MYOF: variants seen among roughly 807,000 people sequenced by gnomAD.
MYOF encodes the protein fer-1-like 3, myoferlin.
Under a neutral mutation model 284.2 loss-of-function variants are expected in MYOF, and 244 were observed. The observed-to-expected ratio is 0.86, with a 90% CI of 0.77 to 0.95. The LOEUF is 0.95. MYOF is among the 40% of genes least tolerant of loss of function. MYOF has a pLI of 0.00. For synonymous variants in MYOF, 904 were observed against 919.7 expected (o/e 0.98, Z 0.31); for missense variants, 2,496 against 2,560.6 (o/e 0.97, Z 0.54).
intron 22 of MYOF, among the ~76,000 whole-genome samples, chr10:93,376,568 G>A (rs543842376): frequency 1.1e-4 from 17 of 152,224 alleles, no homozygotes; most frequent in African/African-American, 3.9e-4. Flanking sequence ...TTACCACTAG[G>A]AGGCACAAGA....
chr10:93,440,269 G>A (rs777302853), intron 3 of MYOF, among the ~76,000 whole-genome samples: 15 of 152,146 alleles, frequency 9.9e-5, no homozygotes, highest in East Asian at 5.8e-4. Flanking sequence ...AAAATTAGTC[G>A]GGCGTGGTGG....
intron 37 of MYOF, among the ~76,000 whole-genome samples, chr10:93,345,567 T>C (rs1280080268): frequency 6.6e-6 from 1 of 152,124 alleles, no homozygotes; most frequent in Non-Finnish European, 1.5e-5. Context: ...ACTTCCAAGA[T>C]AAGCTCCCCT....
chr10:93,343,827 A>C (rs752786877), intron 38 of MYOF, 29 bp downstream of exon 38: 1 of 1,609,318 alleles, frequency 6.2e-7, no homozygotes, highest in South Asian at 1.1e-5. Context: ...TAAAACTGAC[A>C]GCATCCACTG....
intron 5 of MYOF, among the ~76,000 whole-genome samples, chr10:93,419,898 G>A (rs1157929977): frequency 1.3e-5 from 2 of 152,132 alleles, no homozygotes; most frequent in Admixed American, 6.5e-5. Flanking sequence ...TTGGGAGGCC[G>A]AGGCTGGCGG....
At chr10:93,417,304 G>T (rs565336426) in intron 5 of MYOF, among the ~76,000 whole-genome samples, 1 of 152,190 alleles carries the variant, frequency 6.6e-6, no homozygotes, top group South Asian at 2.1e-4. Flanking sequence ...ATTTGGAAAT[G>T]GTTCTCCATC....
rs1843592198 is a variant in MYOF, at chr10:93,336,063, G to T, written c.4438-17C>A. 6.2e-7 allele frequency: 1 copy of T among 1,611,406 alleles called. No homozygotes were observed. The highest frequency in any genetic ancestry group is 1.3e-5 in the African/African-American group (1 of 74,842). ...ATTATATATCTGAAAACCACCAACAGAGTCTTAATTTCTCATTAAAATGCA... is the reference window on the plus strand; with the variant it reads ...ATTATATATCTGAAAACCACCAACATAGTCTTAATTTCTCATTAAAATGCA... On this transcript the variant is annotated splice_polypyrimidine_tract_variant and intron_variant, in intron 40 of 53. Coordinates refer to ENST00000359263, the MANE Select transcript of MYOF (RefSeq NM_013451.4).
chr10:93,472,456 T>C (rs1335434319), intron 1 of MYOF, among the ~76,000 whole-genome samples: 1 of 152,012 alleles, frequency 6.6e-6, no homozygotes, highest in African/African-American at 2.4e-5. Context: ...CTGGCCAACA[T>C]AGTGAAACCC....
At chr10:93,307,868 G>A (rs1313804125) in intron 53 of MYOF, among the ~76,000 whole-genome samples, 18 of 149,922 alleles carry the variant, frequency 1.2e-4, no homozygotes, top group South Asian at 6.4e-4. Context: ...CAGGTGATCC[G>A]CCCGCCTCAG....
chr10:93,435,416 C>T (rs1318622914), intron 3 of MYOF, among the ~76,000 whole-genome samples: 2 of 152,198 alleles, frequency 1.3e-5, no homozygotes, highest in Non-Finnish European at 1.5e-5. Context: ...TCAAAAACTT[C>T]GAGGCACATT....
At chr10:93,350,723 T>C (rs922244769) in intron 35 of MYOF, among the ~76,000 whole-genome samples, 1 of 152,134 alleles carries the variant, frequency 6.6e-6, no homozygotes, top group Non-Finnish European at 1.5e-5. Flanking sequence ...CTTGGGGTGT[T>C]AACAGCTGCT....
At chr10:93,378,693 G>GTGTGTGTGTGTATA in intron 21 of MYOF, among the ~76,000 whole-genome samples, 19 of 87,894 alleles carry the variant, frequency 2.2e-4, no homozygotes, top group African/African-American at 8.7e-4. Context: ...GTGTGTGTGT[G>GTGTGTGTGTGTATA]TATATATATA....
intron 5 of MYOF, among the ~76,000 whole-genome samples, chr10:93,421,651 C>A (rs1398390016): frequency 2.0e-5 from 3 of 152,030 alleles, no homozygotes; most frequent in Non-Finnish European, 4.4e-5. Context: ...AGAGTGGCAC[C>A]CTTGCCTTCT....
chr10:93,329,639 C>T, intron 44 of MYOF, 25 bp downstream of exon 44: 3 of 1,612,930 alleles, frequency 1.9e-6, no homozygotes, highest in South Asian at 2.2e-5. Flanking sequence ...AGCAAAGTGC[C>T]TCTTGTACAG....
intron 6 of MYOF, among the ~76,000 whole-genome samples, chr10:93,409,204 T>C (rs150154557): frequency 2.0e-5 from 3 of 152,202 alleles, no homozygotes; most frequent in Non-Finnish European, 2.9e-5. Flanking sequence ...ACTCCAGTCA[T>C]GCACCTGGTC....
At chr10:93,402,033 T>G (rs1021315973) in intron 11 of MYOF, among the ~76,000 whole-genome samples, 199 bp downstream of exon 11, 2 of 152,152 alleles carry the variant, frequency 1.3e-5, no homozygotes, top group Non-Finnish European at 2.9e-5. Context: ...TGCTCACTCA[T>G]AGACATCAGA....
At chr10:93,411,696 G>C (rs1246137017) in intron 5 of MYOF, among the ~76,000 whole-genome samples, 1 of 152,190 alleles carries the variant, frequency 6.6e-6, no homozygotes, top group African/African-American at 2.4e-5. Context: ...GCACTGCTTT[G>C]CAATTTAGCC....
rs766960505 is a variant in MYOF at position 93,361,412 on chromosome 10, G to T, written c.2974+40C>A. On this transcript the variant is annotated intron_variant, in intron 28 of 53. Transcript: ENST00000359263. Reference sequence around the variant, plus strand: ...CTTTATCCTGGTTAACCAAGGCCCTGCTGCAGAGCCCCAATCAGGTCACAG... The same window carrying T: ...CTTTATCCTGGTTAACCAAGGCCCTTCTGCAGAGCCCCAATCAGGTCACAG... The T allele has an allele frequency of 5.0e-6, 8 of 1,590,986 alleles. No individual in the cohort carries two copies. The East Asian group carries it at 1.6e-4, about 31-fold the overall frequency.
intron 48 of MYOF, among the ~76,000 whole-genome samples, chr10:93,321,782 C>T (rs940348940): frequency 8.5e-5 from 13 of 152,116 alleles, no homozygotes; most frequent in African/African-American, 1.9e-4. Context: ...TATAGGTATA[C>T]GTATTTGTGT....
intron 48 of MYOF, 31 bp downstream of exon 48, chr10:93,323,047 C>T (rs1345686182): frequency 1.3e-6 from 2 of 1,584,654 alleles, no homozygotes; most frequent in Non-Finnish European, 8.7e-7. Flanking sequence ...TTTCCCTGAG[C>T]TTGGCAAAGT....
Sources: allele counts gnomAD v4.1 joint callset (sites outside exome capture counted in the v4.1 genomes callset), GRCh38; gene constraint gnomAD v4.1.1; transcripts MANE v1.5; gene names NCBI Gene and HGNC (gene_info 2026-07-23, HGNC 2026-07-21).